Variants in GALM observed in about 807,000 individuals in gnomAD.
The protein encoded by GALM is aldose 1-epimerase.
GALM carries 43 observed loss-of-function variants against 37.4 expected under a neutral mutation model. The ratio of observed to expected loss-of-function variants is 1.15; its 90% confidence interval spans 0.90 to 1.48. The LOEUF is 1.48. Among genes scored for constraint, GALM ranks in the 40% most tolerant of loss-of-function variants. GALM has a pLI of 0.00. For missense variants in GALM, 456 were observed against 419.1 expected, an observed-to-expected ratio of 1.09 and a Z score of -0.77; for synonymous variants, 199 against 170.6, an observed-to-expected ratio of 1.17 and a Z score of -1.30.
At chr2:38,732,248 G>T (rs1057129878) in intron 6 of GALM, among the ~76,000 whole-genome samples, 2 of 152,122 alleles carry the variant, frequency 1.3e-5, no homozygotes, top group African/African-American at 2.4e-5. Flanking sequence ...GTAGAGACAG[G>T]GTTCCACCAT....
rs1189804966 is a variant in GALM, at chr2:38,726,811, G to C, written c.635-2745G>C. Among the ~76,000 whole-genome samples, 3 of 151,618 alleles carry C rather than the reference G, an allele frequency of 2.0e-5. No homozygotes were observed. The East Asian group carries it at 5.9e-4, about 30-fold the overall frequency. ...CTTGGGAGGCTGAGGCAGAAGAATC[G>C]CTTGAACCTGGGAGGCCAAGGTTGT... On this transcript the variant is annotated intron_variant, in intron 4 of 6. Coordinates refer to ENST00000272252, the MANE Select transcript of GALM (RefSeq NM_138801.3).
chr2:38,703,222 C>A lies in GALM; in HGVS notation c.634+13328C>A, dbSNP rs558562002. On this transcript the variant is annotated intron_variant, in intron 4 of 6. Coordinates refer to ENST00000272252, the MANE Select transcript of GALM (RefSeq NM_138801.3). ...TCCCAGGTTCAAGCGATTCTCCTGC[C>A]TCAGCCTCCCAAGTAGGTGGGATTA... Among the ~76,000 whole-genome samples, 28 of 145,878 alleles carry A rather than the reference C, an allele frequency of 1.9e-4. 1 individual carries two copies. The highest frequency in any genetic ancestry group is 5.8e-4 in the African/African-American group (23 of 39,390).
chr2:38,732,285 T>G (rs6544173), intron 6 of GALM, among the ~76,000 whole-genome samples: 1 of 151,864 alleles, frequency 6.6e-6, no homozygotes, highest in East Asian at 1.9e-4. Flanking sequence ...TCAAAACCCC[T>G]GACCTCAGGT....
intron 4 of GALM, among the ~76,000 whole-genome samples, chr2:38,690,317 A>T (rs931495840): frequency 6.6e-6 from 1 of 151,994 alleles, no homozygotes; most frequent in African/African-American, 2.4e-5. Flanking sequence ...TTTTTTTTTA[A>T]GATTAAAAAA....
chr2:38,676,841 A>G (rs1665271522), intron 2 of GALM, among the ~76,000 whole-genome samples: 1 of 152,052 alleles, frequency 6.6e-6, no homozygotes, highest in Non-Finnish European at 1.5e-5. Flanking sequence ...GGCCCAAAAC[A>G]CTCATTCTTA....
At chr2:38,711,138 T>G (rs1032663281) in intron 4 of GALM, among the ~76,000 whole-genome samples, 4 of 151,010 alleles carry the variant, frequency 2.6e-5, no homozygotes, top group Non-Finnish European at 5.9e-5. Flanking sequence ...AGCTTGGGAC[T>G]GTCACCACCT....
chr2:38,729,593 G>A lies in GALM; in HGVS notation c.672G>A (p.Leu224=). Residue 224 remains leucine, a synonymous_variant, in exon 5 of 7, where the codon CTG becomes CTA. Transcript: ENST00000272252. The stretch of plus-strand genomic sequence containing the variant: ...CAGTGCAAGGCACTGCATTCGACCT[G>A]AGAAAGCCAGTGGAGCTTGGAAAAC... ...VAPVQGTAFD[L]RKPVELGKHL... is the part of the protein sequence containing the mutation. The A allele has an allele frequency of 6.2e-7, 1 of 1,613,720 alleles. No homozygotes were observed.
At chr2:38,691,405 T>C (rs764209402) in intron 4 of GALM, among the ~76,000 whole-genome samples, 43 of 152,110 alleles carry the variant, frequency 2.8e-4, no homozygotes, top group Non-Finnish European at 5.6e-4. Context: ...TCGCTGGGTA[T>C]GGTGGCTCAC....
chr2:38,713,534 G>A (rs115878051), intron 4 of GALM, among the ~76,000 whole-genome samples: 1,799 of 152,196 alleles, frequency 0.012, 31 homozygotes, highest in African/African-American at 0.04. Flanking sequence ...ATCTTGAATC[G>A]CTGATTTACA....
intron 1 of GALM, among the ~76,000 whole-genome samples, chr2:38,669,933 GC>G (rs1267290062): frequency 2.7e-5 from 4 of 148,582 alleles, no homozygotes; most frequent in Non-Finnish European, 5.9e-5. Context: ...CGCTATCTCG[GC>G]TCACTGCAGC....
chr2:38,689,934 G>C (rs745388947), intron 4 of GALM, 40 bp downstream of exon 4: 1 of 1,239,456 alleles, frequency 8.1e-7, no homozygotes. Flanking sequence ...TGGGATCATG[G>C]ATTGGCTCTC....
intron 4 of GALM, among the ~76,000 whole-genome samples, chr2:38,716,049 C>T (rs768290469): frequency 6.6e-6 from 1 of 152,284 alleles, no homozygotes; most frequent in South Asian, 2.1e-4. Flanking sequence ...AACAGGTGAG[C>T]AGGATGCTCC....
Position 38,672,845 on chromosome 2 carries a change from A to T in GALM, c.191-3067A>T, listed in dbSNP as rs1240711099. Among the ~76,000 whole-genome samples, 6 of 140,598 alleles carry T rather than the reference A, an allele frequency of 4.3e-5. No individual in the cohort carries two copies. The South Asian group carries it at 6.6e-4, about 16-fold the overall frequency. The allele number at this position is 140,598 out of a possible 152,430, so 92.2% of individuals were successfully genotyped here. On this transcript the variant is annotated intron_variant, in intron 1 of 6. Coordinates refer to ENST00000272252, the MANE Select transcript of GALM (RefSeq NM_138801.3). ...AACATGGTGAAAACCCATCTCTATT[A>T]AAAAAAAAAAAAAATTTAGCTGGGC...
At chr2:38,726,409 G>A (rs1666487306) in intron 4 of GALM, among the ~76,000 whole-genome samples, 1 of 151,012 alleles carries the variant, frequency 6.6e-6, no homozygotes, top group South Asian at 2.1e-4. Flanking sequence ...TGTATTTTTA[G>A]TAGAGACGGG....
rs1666557626 is a variant in GALM, at chr2:38,729,627, G to A, written c.706G>A (p.Asp236Asn). The change falls in exon 5 of 7, where the codon GAC becomes AAC. Residue 236 changes from aspartate to asparagine, a missense_variant. By Grantham distance (23) the Asp-to-Asn change is conservative. Coordinates refer to ENST00000272252, the MANE Select transcript of GALM (RefSeq NM_138801.3). ...KPVELGKHLQDFHLNGFDHNF... is the reference protein window; with the variant it reads ...KPVELGKHLQNFHLNGFDHNF... ...AGTGGAGCTTGGAAAACACCTGCAGGACTTCCATCTCAATGGTTTTGACCA... is the reference window on the plus strand; with the variant it reads ...AGTGGAGCTTGGAAAACACCTGCAGAACTTCCATCTCAATGGTTTTGACCA... The A allele has an allele frequency of 6.2e-7, 1 of 1,613,488 alleles. No individual in the cohort carries two copies. Among genetic ancestry groups the A allele is most frequent in the Non-Finnish European group, 8.5e-7 (1 of 1,179,512 alleles).
chr2:38,695,547 G>A (rs1665786610), intron 4 of GALM, among the ~76,000 whole-genome samples: 1 of 152,184 alleles, frequency 6.6e-6, no homozygotes, highest in African/African-American at 2.4e-5. Context: ...ATCAACAGTA[G>A]AAAACTTCTC....
At chr2:38,726,268 C>T (rs1321032902) in intron 4 of GALM, among the ~76,000 whole-genome samples, 1 of 149,332 alleles carries the variant, frequency 6.7e-6, no homozygotes. Context: ...GCTCTGTCGC[C>T]CAGGCTGGAG....
chr2:38,670,164 T>C (rs1189126948), intron 1 of GALM, among the ~76,000 whole-genome samples: 1 of 152,084 alleles, frequency 6.6e-6, no homozygotes, highest in Non-Finnish European at 1.5e-5. Flanking sequence ...ACGCCCAGCC[T>C]AAAAATATTT....
chr2:38,713,127 C>T (rs1240753000), intron 4 of GALM, among the ~76,000 whole-genome samples: 1 of 152,164 alleles, frequency 6.6e-6, no homozygotes, highest in Non-Finnish European at 1.5e-5. Flanking sequence ...GGCCCTGGGT[C>T]TGCCATCAGC....
Sources: gnomAD v4.1 joint callset for allele counts (sites outside exome capture counted in the v4.1 genomes callset) on GRCh38, gnomAD v4.1.1 for gene constraint, MANE v1.5 for transcripts, NCBI Gene and HGNC (gene_info 2026-07-23, HGNC 2026-07-21) for gene names.